Variants in NLRC5 observed in about 807,000 individuals in gnomAD.
NLRC5 encodes protein NLRC5.
A neutral mutation model predicts 206.9 loss-of-function variants in NLRC5; 114 were observed. The ratio of observed to expected loss-of-function variants is 0.55; its 90% CI spans 0.47 to 0.64. The LOEUF (loss-of-function observed/expected upper bound fraction) is 0.64, where lower values mean the gene tolerates loss of function less well. Among genes scored for constraint, NLRC5 ranks in the 30% least tolerant of loss-of-function variants. The probability of loss-of-function intolerance (pLI) is 0.00; values close to 1 mark genes in which losing one functional copy is unlikely to be tolerated. For synonymous variants in NLRC5, 952 were observed against 962.8 expected (o/e 0.99, Z 0.21); for missense variants, 2,008 against 2,305.5 (o/e 0.87, Z 2.64).
intron 11 of NLRC5, among the ~76,000 whole-genome samples, chr16:57,032,603 G>A (rs2062005570): frequency 6.6e-6 from 1 of 151,264 alleles, no homozygotes; most frequent in Non-Finnish European, 1.5e-5. Context: ...CAGTTCATTA[G>A]TCACATTAGC....
At chr16:57,066,202 C>G (rs553063708) in intron 33 of NLRC5, among the ~76,000 whole-genome samples, 1 of 151,898 alleles carries the variant, frequency 6.6e-6, no homozygotes, top group Non-Finnish European at 1.5e-5. Flanking sequence ...TTTGGGAGGC[C>G]GAGGCAGGAG....
chr16:57,044,183 C>T (rs1317751372), intron 20 of NLRC5, among the ~76,000 whole-genome samples: 1 of 150,744 alleles, frequency 6.6e-6, no homozygotes, highest in African/African-American at 2.4e-5. Flanking sequence ...TGGTTGTGAG[C>T]CCTTGTAGTG....
At chr16:57,031,891 G>A (rs2061922263) in intron 11 of NLRC5, among the ~76,000 whole-genome samples, 1 of 151,732 alleles carries the variant, frequency 6.6e-6, no homozygotes, top group Non-Finnish European at 1.5e-5. Flanking sequence ...GCATGCAGTG[G>A]GCAGTCAAAT....
intron 1 of NLRC5, among the ~76,000 whole-genome samples, chr16:57,006,413 C>CTTTTTGT (rs2058909812): frequency 1.1e-5 from 1 of 90,818 alleles, no homozygotes; most frequent in Non-Finnish European, 2.1e-5. Flanking sequence ...TCTTCATCCT[C>CTTTTTGT]TTTTTTTTTT....
chr16:57,077,350 G>A lies in NLRC5; in HGVS notation c.4890G>A (p.Leu1630=), dbSNP rs2068526007. ...GTGTCCAGCACTTAGCTACCATCCT[G>A]CCTGGGCTGCCAGAGCTCAGGAAGA... The part of the protein sequence containing the change: ...DAGVQHLATI[L]PGLPELRKID... The change falls in exon 41 of 49, where the codon CTG becomes CTA. Residue 1630 remains leucine, a synonymous_variant. Transcript: ENST00000688547. The A allele has an allele frequency of 2.5e-6, 4 of 1,614,044 alleles. No individual in the cohort carries two copies. The highest frequency in any genetic ancestry group is 2.5e-6 in the Non-Finnish European group (3 of 1,179,990).
At chr16:57,041,224 A>C in intron 17 of NLRC5, 1 of 498,806 alleles carries the variant, frequency 2.0e-6, no homozygotes, top group Non-Finnish European at 3.6e-6. Context: ...TCTTCCTCTG[A>C]TCTGCTCTCT....
At chr16:57,037,114 A>T in intron 14 of NLRC5, 81 bp from the exon 15 acceptor site, 1 of 1,137,222 alleles carries the variant, frequency 8.8e-7, no homozygotes, top group Non-Finnish European at 1.3e-6. Context: ...CAAGCTGCTG[A>T]GCCACAGGGA....
intron 5 of NLRC5, 60 bp downstream of exon 5, chr16:57,023,913 C>A: frequency 6.8e-7 from 1 of 1,476,142 alleles, no homozygotes; most frequent in Non-Finnish European, 9.3e-7. Context: ...GGGGCCAAGA[C>A]CCGGACCCTG....
At position 57,055,529 on chromosome 16, in the gene NLRC5, G is replaced by C. The variant is rs370524064; in HGVS notation, c.3746+10G>C. ...ACCTCAGCCAGGTGGAGTAAGTTGA[G>C]GGAGGAGGAGGAAGGAGAGGAGCAT... On this transcript the variant is annotated intron_variant, in intron 27 of 48. Coordinates refer to ENST00000688547, the MANE Select transcript of NLRC5 (RefSeq NM_001384950.1). 42 of 1,610,340 alleles carry C rather than the reference G, an allele frequency of 2.6e-5. No homozygotes were observed. The highest frequency in any genetic ancestry group is 3.3e-5 in the Non-Finnish European group (39 of 1,177,192).
At position 57,077,385 on chromosome 16, in the gene NLRC5, T is replaced by A; in HGVS notation, c.4919+6T>A. The stretch of plus-strand genomic sequence containing the variant: ...CCAGAGCTCAGGAAGATAGAGTGAG[T>A]AGCCAGCCCTACAGAGGAGGGCCAC... On this transcript the variant is annotated splice_donor_region_variant and intron_variant, in intron 41 of 48. Transcript: ENST00000688547. 1 of 1,613,132 alleles carries A rather than the reference T, an allele frequency of 6.2e-7. No individual in the cohort carries two copies. Among genetic ancestry groups the A allele is most frequent in the Non-Finnish European group, 8.5e-7 (1 of 1,179,372 alleles).
chr16:57,028,729 C>A (rs2061494010), intron 8 of NLRC5, among the ~76,000 whole-genome samples: 1 of 152,246 alleles, frequency 6.6e-6, no homozygotes, highest in Admixed American at 6.5e-5. Context: ...GCACCACACA[C>A]CTTCACATTT....
At chr16:57,080,102 C>T (rs1484896937) in intron 46 of NLRC5, among the ~76,000 whole-genome samples, 1 of 152,306 alleles carries the variant, frequency 6.6e-6, no homozygotes, top group East Asian at 1.9e-4. Flanking sequence ...TGGGGCTTTG[C>T]AGTGCTGCCT....
chr16:57,078,040 T>A lies in NLRC5; in HGVS notation c.5081+20T>A, dbSNP rs114748726. 1 of 1,568,026 alleles carries A rather than the reference T, an allele frequency of 6.4e-7. No homozygotes were observed. On this transcript the variant is annotated intron_variant, in intron 43 of 48. Transcript: ENST00000688547. ...CCTACAGTGAGTGGCCCCCTGCCCA[T>A]ACCATGCAGGGCTGGTGGGGAGGAG...
At chr16:57,051,009 C>T (rs1005932876) in intron 23 of NLRC5, among the ~76,000 whole-genome samples, 9 of 152,052 alleles carry the variant, frequency 5.9e-5, no homozygotes, top group South Asian at 2.1e-4. Context: ...TGCACCACCA[C>T]GCCTGGCTAA....
At chr16:57,035,188 C>T (rs1210500103) in intron 13 of NLRC5, among the ~76,000 whole-genome samples, 1 of 152,158 alleles carries the variant, frequency 6.6e-6, no homozygotes. Context: ...CATTTAGTCC[C>T]TCCAGATGGA....
intron 1 of NLRC5, among the ~76,000 whole-genome samples, chr16:56,995,951 C>T (rs145458080): frequency 1.8e-4 from 27 of 152,296 alleles, no homozygotes; most frequent in African/African-American, 5.8e-4. Context: ...TCCATTGAAT[C>T]GTAAAGTGAC....
At chr16:56,995,357 G>T (rs1179950037) in intron 1 of NLRC5, among the ~76,000 whole-genome samples, 4 of 152,208 alleles carry the variant, frequency 2.6e-5, no homozygotes, top group Non-Finnish European at 5.9e-5. Context: ...GGCTGCTCCC[G>T]CTGACATCCA....
intron 1 of NLRC5, among the ~76,000 whole-genome samples, chr16:57,015,137 C>A (rs1961114270): frequency 6.6e-6 from 1 of 152,070 alleles, no homozygotes; most frequent in African/African-American, 2.4e-5. Context: ...TCATGTTGGC[C>A]AGACTGGTTT....
rs764026943 is a variant in NLRC5, at chr16:57,040,657, T to G, written c.2878T>G (p.Phe960Val). ...EQKGPQERAA[F>V]LDSLMLQMPS... ...TTGGTGATGTCCCTCCAGGGCTGCA[T>G]TTCTTGACAGCCTCATGCTCCAGAT... Residue 960 changes from phenylalanine to valine, a missense_variant, in exon 17 of 49, where the codon TTT becomes GTT. Coordinates refer to ENST00000688547, the MANE Select transcript of NLRC5 (RefSeq NM_001384950.1). The G allele has an allele frequency of 1.2e-6, 2 of 1,614,124 alleles. No homozygotes were observed. Among genetic ancestry groups the G allele is most frequent in the Non-Finnish European group, 1.7e-6 (2 of 1,179,998 alleles).
Sources: allele counts gnomAD v4.1 joint callset (sites outside exome capture counted in the v4.1 genomes callset), GRCh38; gene constraint gnomAD v4.1.1; transcripts MANE v1.5; gene names NCBI Gene and HGNC (gene_info 2026-07-23, HGNC 2026-07-21).